FRYL: variants seen among roughly 807,000 people sequenced by gnomAD.
FRYL encodes protein furry homolog-like.
FRYL carries 150 observed loss-of-function variants against 351.2 expected under a neutral mutation model. The observed-to-expected ratio is 0.43, with a 90% CI of 0.37 to 0.49. FRYL has a LOEUF of 0.49. FRYL is among the 20% of genes least tolerant of loss of function. The pLI, the probability that FRYL is intolerant of heterozygous loss-of-function variation, is 0.00. For synonymous variants in FRYL, 1,153 were observed against 1,257.1 expected, an observed-to-expected ratio of 0.92 and a Z score of 1.75; for missense variants, 3,036 against 3,619.3, an observed-to-expected ratio of 0.84 and a Z score of 4.13.
At chr4:48,685,633 A>G (rs2149548952) in intron 2 of FRYL, among the ~76,000 whole-genome samples, 1 of 152,364 alleles carries the variant, frequency 6.6e-6, no homozygotes. Context: ...ACCATGAACT[A>G]CTGTACCATA....
intron 60 of FRYL, 40 bp downstream of exon 60, chr4:48,505,507 C>T (rs1430466070): frequency 1.7e-6 from 2 of 1,181,042 alleles, no homozygotes; most frequent in Non-Finnish European, 2.5e-6. Context: ...TTACCTGATA[C>T]AGAAAATGTA....
intron 47 of FRYL, among the ~76,000 whole-genome samples, chr4:48,539,749 G>A (rs971621199): frequency 6.6e-6 from 1 of 152,142 alleles, no homozygotes; most frequent in Admixed American, 6.6e-5. Context: ...AGACTCAGAG[G>A]AGTGTTACTC....
intron 3 of FRYL, among the ~76,000 whole-genome samples, chr4:48,684,244 C>G (rs1764941885): frequency 6.6e-6 from 1 of 152,158 alleles, no homozygotes; most frequent in African/African-American, 2.4e-5. Context: ...AAAAAGCTGA[C>G]TACTTAAGAA....
chr4:48,605,833 C>T lies in FRYL; in HGVS notation c.742G>A (p.Glu248Lys), dbSNP rs781548826. ...ACTTCTAAGAAATACTGAGCACATT[C>T]CTTAAAGGGAAAGAGGTATATACTT... ...DFEASFQFMQ[E>K]CAQYFLEVKD... The change falls in exon 11 of 64, where the codon GAA becomes AAA. Residue 248 changes from glutamate to lysine, a missense_variant and splice_region_variant. Glu to Lys is a moderately conservative substitution (Grantham distance 56). Around this residue, in one of 7 missense-constraint regions of FRYL, gnomAD observed 457 missense variants for 566.6 expected, o/e 0.81. Coordinates refer to ENST00000358350, the MANE Select transcript of FRYL (RefSeq NM_015030.2). 6.5e-7 allele frequency: 1 copy of T among 1,539,228 alleles called. No homozygotes were observed. Among genetic ancestry groups the T allele is most frequent in the Non-Finnish European group, 9.0e-7 (1 of 1,116,314 alleles).
chr4:48,734,149 T>C lies in FRYL; in HGVS notation c.-383-23451A>G, dbSNP rs561696243. On this transcript the variant is annotated intron_variant, in intron 1 of 63. Transcript: ENST00000358350. ...GGATCAAAAAAACAAGACATAACTA[T>C]GTTGTCTACAAGAAACTCACTTTCA... Among the ~76,000 whole-genome samples the C allele has an allele frequency of 2.6e-5, 4 of 152,306 alleles. No homozygotes were observed. In the South Asian group the frequency reaches 8.3e-4, roughly 32 times the overall value.
intron 59 of FRYL, among the ~76,000 whole-genome samples, chr4:48,507,513 G>A (rs1414666841): frequency 1.4e-5 from 2 of 141,408 alleles, no homozygotes; most frequent in African/African-American, 2.7e-5. Flanking sequence ...GAATCCTATC[G>A]GCCAAAACTC....
chr4:48,718,620 C>T (rs1224782937), intron 1 of FRYL, among the ~76,000 whole-genome samples: 1 of 151,372 alleles, frequency 6.6e-6, no homozygotes, highest in Non-Finnish European at 1.5e-5. Flanking sequence ...CTTCAAGTCC[C>T]CAGGCCCACT....
chr4:48,645,292 A>C (rs1300252743), intron 3 of FRYL, among the ~76,000 whole-genome samples: 2 of 151,716 alleles, frequency 1.3e-5, no homozygotes, highest in Non-Finnish European at 2.9e-5. Flanking sequence ...TGTTCTTACA[A>C]AAGATAAATA....
At chr4:48,632,276 G>A (rs1478874302) in intron 4 of FRYL, among the ~76,000 whole-genome samples, 1 of 149,206 alleles carries the variant, frequency 6.7e-6, no homozygotes, top group African/African-American at 2.5e-5. Flanking sequence ...GAGGCCAGGT[G>A]ATGGGTCCTA....
chr4:48,586,531 C>CT, intron 19 of FRYL, 90 bp downstream of exon 19: 1 of 830,112 alleles, frequency 1.2e-6, no homozygotes, highest in South Asian at 1.5e-5. Context: ...TTAACATCGC[C>CT]TTTTTAGTGA....
chr4:48,684,149 TC>T (rs1278996628), intron 3 of FRYL, among the ~76,000 whole-genome samples: 2 of 152,202 alleles, frequency 1.3e-5, no homozygotes, highest in Non-Finnish European at 2.9e-5. Context: ...TTCTCTGATT[TC>T]CTTCATTCAA....
chr4:48,628,784 T>A (rs1207418343), intron 4 of FRYL, among the ~76,000 whole-genome samples: 1 of 152,032 alleles, frequency 6.6e-6, no homozygotes, highest in South Asian at 2.1e-4. Context: ...TGTACTCCCA[T>A]GAGATCTGCA....
intron 53 of FRYL, among the ~76,000 whole-genome samples, chr4:48,524,076 T>A (rs1479308039): frequency 6.6e-6 from 1 of 152,206 alleles, no homozygotes; most frequent in African/African-American, 2.4e-5. Flanking sequence ...ACAATTTTTC[T>A]TAGGCCCTGA....
intron 4 of FRYL, among the ~76,000 whole-genome samples, chr4:48,624,488 T>A (rs182850852): frequency 6.6e-6 from 1 of 152,136 alleles, no homozygotes; most frequent in African/African-American, 2.4e-5. Context: ...TCAGTCTAGA[T>A]CACTGTCTAA....
chr4:48,721,886 T>A (rs945428799), intron 1 of FRYL, among the ~76,000 whole-genome samples: 3 of 152,118 alleles, frequency 2.0e-5, no homozygotes, highest in Non-Finnish European at 4.4e-5. Flanking sequence ...GTGATCCACC[T>A]GCTTCGGCCT....
At chr4:48,550,532 A>C (rs1361922095) in intron 38 of FRYL, 60 bp downstream of exon 38, 2 of 980,544 alleles carry the variant, frequency 2.0e-6, no homozygotes, top group Non-Finnish European at 3.2e-6. Flanking sequence ...ATTAACATTA[A>C]TGTAATTAAC....
chr4:48,613,466 C>T (rs534976020), intron 7 of FRYL, among the ~76,000 whole-genome samples: 4 of 152,296 alleles, frequency 2.6e-5, no homozygotes, highest in South Asian at 2.1e-4. Context: ...TGACAGCTAA[C>T]GACAACACTC....
intron 1 of FRYL, among the ~76,000 whole-genome samples, chr4:48,757,051 G>C (rs1038089196): frequency 6.6e-6 from 1 of 152,128 alleles, no homozygotes; most frequent in African/African-American, 2.4e-5. Flanking sequence ...CTCAAGCTGA[G>C]GACTCCCCAA....
In FRYL at chr4:48,681,003, C is replaced by T. The variant is rs78817984; in HGVS notation, c.-81+3670G>A. ...TTCCACCTTGCTCATCCACCGTCTT[C>T]TCAGATGAAAGTGAGCTAAGACGTT... On this transcript the variant is annotated intron_variant, in intron 3 of 63. Transcript: ENST00000358350. The T allele has an allele frequency of 2.0e-3, 2,630 of 1,283,046 alleles. 53 individuals carry two copies. In the African/African-American group the frequency reaches 0.037, roughly 18 times the overall value. The allele number at this position is 1,283,046 out of a possible 1,614,324, so 79.5% of individuals were successfully genotyped here.
Sources: gnomAD v4.1 joint callset for allele counts (sites outside exome capture counted in the v4.1 genomes callset) on GRCh38, gnomAD v4.1.1 for gene constraint, gnomAD v4.1.1 regional missense constraint, MANE v1.5 for transcripts, NCBI Gene and HGNC (gene_info 2026-07-23, HGNC 2026-07-21) for gene names.